The following GLIS3 variants were observed in gnomAD, a reference collection of about 807,000 sequenced individuals.
GLIS3 encodes the protein GLIS family zinc finger 3, also known as zinc finger protein GLIS3.
A neutral mutation model predicts 78.6 loss-of-function variants in GLIS3; 53 were observed. That is an observed-to-expected ratio of 0.67 (90% confidence interval 0.54 to 0.85). GLIS3 has a LOEUF of 0.85. GLIS3 is among the 40% of genes least tolerant of loss of function. GLIS3 has a pLI of 0.00. For synonymous variants in GLIS3, 684 were observed against 509.9 expected (o/e 1.34, Z -4.60); for missense variants, 1,703 against 1,231.1 (o/e 1.38, Z -5.74).
chr9:4,223,711 T>A (rs995194791), intron 2 of GLIS3, among the ~76,000 whole-genome samples: 3 of 152,220 alleles, frequency 2.0e-5, no homozygotes, highest in East Asian at 1.9e-4. Context: ...CCAATATTTT[T>A]AAATTCCACC....
chr9:4,177,410 G>C (rs975226057), intron 2 of GLIS3, among the ~76,000 whole-genome samples: 3 of 152,162 alleles, frequency 2.0e-5, no homozygotes, highest in African/African-American at 7.2e-5. Flanking sequence ...TTTTAGATCA[G>C]CCCCAAATTT....
At chr9:4,148,371 C>A (rs1834391013) in intron 2 of GLIS3, among the ~76,000 whole-genome samples, 1 of 152,086 alleles carries the variant, frequency 6.6e-6, no homozygotes, top group African/African-American at 2.4e-5. Flanking sequence ...CCCACGTCCC[C>A]ATACTCTCCA....
intron 4 of GLIS3, among the ~76,000 whole-genome samples, chr9:3,978,841 A>C (rs1819006038): frequency 6.6e-6 from 1 of 152,206 alleles, no homozygotes; most frequent in Non-Finnish European, 1.5e-5. Flanking sequence ...TGAGTTCCAC[A>C]TGTGCACAAA....
intron 2 of GLIS3, among the ~76,000 whole-genome samples, chr9:4,149,030 A>G (rs1470862535): frequency 6.6e-6 from 1 of 152,150 alleles, no homozygotes; most frequent in Non-Finnish European, 1.5e-5. Context: ...TCTCCTCTCC[A>G]AATACTCCAA....
intron 2 of GLIS3, among the ~76,000 whole-genome samples, chr9:4,158,292 C>A (rs1425681978): frequency 6.6e-6 from 1 of 152,144 alleles, no homozygotes; most frequent in East Asian, 1.9e-4. Context: ...GAGACGTTTT[C>A]AGTAAACACA....
intron 4 of GLIS3, among the ~76,000 whole-genome samples, chr9:4,105,303 C>T (rs572532896): frequency 6.6e-6 from 1 of 152,260 alleles, no homozygotes; most frequent in South Asian, 2.1e-4. Context: ...CTATTCTAAT[C>T]TTGGCTAAGT....
At chr9:4,085,123 C>T (rs2130720086) in intron 4 of GLIS3, among the ~76,000 whole-genome samples, 1 of 152,202 alleles carries the variant, frequency 6.6e-6, no homozygotes, top group Admixed American at 6.5e-5. Flanking sequence ...AGCTCTCTCT[C>T]AATCTTGACT....
intron 2 of GLIS3, among the ~76,000 whole-genome samples, chr9:4,345,810 G>A (rs1216627144): frequency 1.3e-5 from 2 of 152,194 alleles, no homozygotes; most frequent in East Asian, 1.9e-4. Context: ...TGCGTCTGGG[G>A]AGTGAGAATT....
intron 4 of GLIS3, among the ~76,000 whole-genome samples, chr9:3,991,719 C>T (rs1015304620): frequency 6.2e-5 from 6 of 96,726 alleles, no homozygotes; most frequent in Non-Finnish European, 1.0e-4. Context: ...GAGACGGAGT[C>T]TCACTCTGTC....
At chr9:3,887,166 C>CTCTT (rs1822136485) in intron 7 of GLIS3, among the ~76,000 whole-genome samples, 1 of 152,058 alleles carries the variant, frequency 6.6e-6, no homozygotes, top group South Asian at 2.1e-4. Flanking sequence ...TATCATTATC[C>CTCTT]AGCAGCCCTG....
At chr9:4,399,484 G>C in the GLIS3 span, among the ~76,000 whole-genome samples, 1 of 152,138 alleles carries the variant, frequency 6.6e-6, no homozygotes, top group African/African-American at 2.4e-5. Flanking sequence ...ATTTTCCCAA[G>C]GTCTCATAGC....
intron 1 of GLIS3, among the ~76,000 whole-genome samples, chr9:4,295,690 G>C (rs989992600): frequency 1.3e-5 from 2 of 152,146 alleles, no homozygotes; most frequent in African/African-American, 4.8e-5. Context: ...TCTTGATCTG[G>C]AGACTAGTTA....
At chr9:4,395,975 T>C in the GLIS3 span, among the ~76,000 whole-genome samples, 2 of 151,898 alleles carry the variant, frequency 1.3e-5, no homozygotes, top group Non-Finnish European at 2.9e-5. Flanking sequence ...GGTTTCACCA[T>C]GTTGGCTAGG....
At chr9:4,072,859 C>T (rs1017616681) in intron 4 of GLIS3, among the ~76,000 whole-genome samples, 4 of 151,954 alleles carry the variant, frequency 2.6e-5, no homozygotes, top group African/African-American at 7.3e-5. Flanking sequence ...ACAGCCTAAC[C>T]GAGTCATACT....
chr9:4,115,798 T>C (rs1831593249), intron 4 of GLIS3, among the ~76,000 whole-genome samples: 1 of 152,216 alleles, frequency 6.6e-6, no homozygotes, highest in Non-Finnish European at 1.5e-5. Flanking sequence ...ATGTGCACTA[T>C]TACATGTGTA....
intron 2 of GLIS3, among the ~76,000 whole-genome samples, chr9:4,181,358 C>T (rs1401239172): frequency 1.3e-5 from 2 of 152,240 alleles, no homozygotes; most frequent in Non-Finnish European, 2.9e-5. Flanking sequence ...CCCTTTCCTA[C>T]TCCTCCTGAT....
chr9:4,174,762 G>C (rs1816673972), intron 2 of GLIS3, among the ~76,000 whole-genome samples: 1 of 152,160 alleles, frequency 6.6e-6, no homozygotes, highest in Non-Finnish European at 1.5e-5. Flanking sequence ...TCATATTCAG[G>C]TTCGCGGGCT....
At chr9:4,191,203 T>A (rs1818303843) in intron 2 of GLIS3, among the ~76,000 whole-genome samples, 1 of 151,226 alleles carries the variant, frequency 6.6e-6, no homozygotes, top group African/African-American at 2.4e-5. Context: ...TAAATGTAAA[T>A]GGACTAAATG....
intron 2 of GLIS3, among the ~76,000 whole-genome samples, chr9:4,222,555 T>C (rs1821422144): frequency 6.6e-6 from 1 of 152,198 alleles, no homozygotes; most frequent in African/African-American, 2.4e-5. Flanking sequence ...CTTAACCCCA[T>C]GGTACTGGAG....
Sources: gnomAD v4.1 joint callset for allele counts (sites outside exome capture counted in the v4.1 genomes callset) on GRCh38, gnomAD v4.1.1 for gene constraint, MANE v1.5 for transcripts, NCBI Gene and HGNC (gene_info 2026-07-23, HGNC 2026-07-21) for gene names.